Variants in LRRIQ3 observed in about 807,000 individuals in gnomAD.
The protein encoded by LRRIQ3 is leucine rich repeats and IQ motif containing 3.
In LRRIQ3, 75 loss-of-function variants were observed where a neutral mutation model predicts 59.3. The ratio of observed to expected loss-of-function variants is 1.26; its 90% CI spans 1.05 to 1.53. LRRIQ3 has a LOEUF of 1.53. Ranked by LOEUF, LRRIQ3 falls within the 40% of genes most tolerant of loss-of-function variation. The pLI is 0.00. For synonymous variants in LRRIQ3, 250 were observed against 231.3 expected (o/e 1.08, Z -0.73); for missense variants, 831 against 710.0 (o/e 1.17, Z -1.94).
In LRRIQ3 at chr1:74,182,787, C is replaced by T. The variant is rs141336710; in HGVS notation, c.324G>A (p.Gly108=). 34 of 1,609,534 alleles carry T rather than the reference C, an allele frequency of 2.1e-5. No homozygotes were observed. The Middle Eastern group carries it at 4.9e-4, about 23-fold the overall frequency. Residue 108 remains glycine (G), a synonymous_variant, in exon 3 of 8, where the codon GGG becomes GGA. Transcript: ENST00000354431. ...CACATATATTCTTTAACTTTGCAAACCCATTGTCATGAAGATAGAGTAGTT... is the reference window on the plus strand; with the variant it reads ...CACATATATTCTTTAACTTTGCAAATCCATTGTCATGAAGATAGAGTAGTT... ...NLKLLYLHDN[G]FAKLKNICVL...
At chr1:74,038,096 T>G (rs1030061662) in intron 7 of LRRIQ3, among the ~76,000 whole-genome samples, 1 of 152,186 alleles carries the variant, frequency 6.6e-6, no homozygotes, top group Admixed American at 6.5e-5. Context: ...GCCATCTCTA[T>G]AGCTCCAGGA....
At chr1:74,124,601 A>G (rs1260428029) in intron 4 of LRRIQ3, among the ~76,000 whole-genome samples, 1 of 151,944 alleles carries the variant, frequency 6.6e-6, no homozygotes, top group Non-Finnish European at 1.5e-5. Context: ...TCCCAACACC[A>G]CTTACTGAAG....
intron 4 of LRRIQ3, among the ~76,000 whole-genome samples, chr1:74,131,648 A>G (rs1244749718): frequency 6.6e-6 from 1 of 152,192 alleles, no homozygotes; most frequent in Non-Finnish European, 1.5e-5. Context: ...CAACAGATGC[A>G]GAAAAGGCCT....
At chr1:74,197,395 C>T (rs1442028440) in intron 1 of LRRIQ3, among the ~76,000 whole-genome samples, 2 of 151,304 alleles carry the variant, frequency 1.3e-5, no homozygotes, top group Non-Finnish European at 2.9e-5. Flanking sequence ...ACTCACTATT[C>T]TCTGATTCAG....
intron 4 of LRRIQ3, among the ~76,000 whole-genome samples, chr1:74,114,246 A>T (rs533324652): frequency 6.6e-6 from 1 of 152,152 alleles, no homozygotes; most frequent in South Asian, 2.1e-4. Flanking sequence ...TAGTTTCTTT[A>T]AAAAGCTTAC....
chr1:74,126,111 T>C (rs1363607579), intron 4 of LRRIQ3, among the ~76,000 whole-genome samples: 2 of 151,768 alleles, frequency 1.3e-5, no homozygotes, highest in African/African-American at 4.8e-5. Flanking sequence ...ATTTATTCAT[T>C]TTTTCTAGGT....
intron 4 of LRRIQ3, among the ~76,000 whole-genome samples, chr1:74,113,182 C>A (rs1646727167): frequency 6.6e-6 from 1 of 151,376 alleles, no homozygotes; most frequent in Admixed American, 6.6e-5. Flanking sequence ...CTGAGAAGTA[C>A]AATAACTGAA....
chr1:74,138,170 A>C (rs954393105), intron 4 of LRRIQ3, among the ~76,000 whole-genome samples: 5 of 151,936 alleles, frequency 3.3e-5, no homozygotes, highest in African/African-American at 7.2e-5. Flanking sequence ...AAACAAAAAA[A>C]AAAAACAAAA....
intron 6 of LRRIQ3, among the ~76,000 whole-genome samples, chr1:74,063,848 G>T (rs1310080882): frequency 2.0e-5 from 3 of 151,828 alleles, no homozygotes; most frequent in Non-Finnish European, 4.4e-5. Flanking sequence ...CTGGCAATCT[G>T]TCTTTTGATT....
Position 74,182,652 on chromosome 1 carries a change from C to A in LRRIQ3, c.459G>T (p.Ala153=), listed in dbSNP as rs779598250. The A allele has an allele frequency of 5.6e-6, 9 of 1,611,246 alleles. No homozygotes were observed. Among genetic ancestry groups the A allele is most frequent in the African/African-American group, 1.3e-5 (1 of 74,814 alleles). The change falls in exon 3 of 8, where the codon GCG becomes GCT. Residue 153 remains alanine (A), a synonymous_variant. Transcript: ENST00000354431. ...VLVNSIWPLK[A]LDHHVISDEE... is the part of the protein sequence containing the mutation. ...CATCAGAAATCACATGATGATCCAG[C>A]GCTTTGAGAGGCCATATACTGTTAA...
intron 5 of LRRIQ3, among the ~76,000 whole-genome samples, chr1:74,103,794 C>CG (rs1286231588): frequency 2.0e-5 from 3 of 150,978 alleles, no homozygotes; most frequent in South Asian, 4.2e-4. Flanking sequence ...CCTTCCCCCC[C>CG]CCGCCATATT....
intron 6 of LRRIQ3, among the ~76,000 whole-genome samples, chr1:74,074,452 T>C (rs1646178317): frequency 6.6e-6 from 1 of 152,172 alleles, no homozygotes; most frequent in Non-Finnish European, 1.5e-5. Flanking sequence ...ATTATCATTT[T>C]TTAGCTTTTT....
intron 1 of LRRIQ3, among the ~76,000 whole-genome samples, chr1:74,186,107 TC>T (rs1231750105): frequency 6.7e-6 from 1 of 149,950 alleles, no homozygotes; most frequent in African/African-American, 2.4e-5. Flanking sequence ...TATTTTTATT[TC>T]AAAGGATTTA....
chr1:74,077,654 A>G (rs896507865), intron 5 of LRRIQ3, among the ~76,000 whole-genome samples: 2 of 151,994 alleles, frequency 1.3e-5, no homozygotes, highest in Non-Finnish European at 2.9e-5. Flanking sequence ...TTTTATAAAA[A>G]TATTTCCTTC....
intron 3 of LRRIQ3, chr1:74,182,181 T>A (rs1352535274): frequency 1.3e-5 from 2 of 152,810 alleles, no homozygotes; most frequent in African/African-American, 4.8e-5. Context: ...AAATATTTTA[T>A]CTTCTAATAA....
Position 74,109,571 on chromosome 1 carries a change from G to C in LRRIQ3, c.708-18C>G, listed in dbSNP as rs1570129477. 6.6e-7 allele frequency: 1 copy of C among 1,525,006 alleles called. No homozygotes were observed. Among genetic ancestry groups the C allele is most frequent in the Non-Finnish European group, 8.7e-7 (1 of 1,146,190 alleles). 94.5% of individuals were successfully genotyped at this position (1,525,006 alleles called of 1,614,324 possible). A position where few individuals can be genotyped will look rare whatever the true frequency, so the allele number is the denominator to read the frequency against. ...ACACAGGGCTGAATATAAGGGGAGG[G>C]GAAAACTATTTGTTAGTTTTTTGCC... On this transcript the variant is annotated intron_variant, in intron 4 of 7. Coordinates refer to ENST00000354431, the MANE Select transcript of LRRIQ3 (RefSeq NM_001105659.2).
At chr1:74,123,312 C>A (rs1646888859) in intron 4 of LRRIQ3, among the ~76,000 whole-genome samples, 1 of 151,984 alleles carries the variant, frequency 6.6e-6, no homozygotes, top group African/African-American at 2.4e-5. Context: ...ACAATCCACA[C>A]ATATTCTTTC....
In LRRIQ3 at chr1:74,124,564, A is replaced by G. The variant is rs148033898; in HGVS notation, c.708-15011T>C. On this transcript the variant is annotated intron_variant, in intron 4 of 7. Coordinates refer to ENST00000354431, the MANE Select transcript of LRRIQ3 (RefSeq NM_001105659.2). The stretch of plus-strand genomic sequence containing the variant: ...TGGTCAGAGATGGTGGTCCAATATC[A>G]TTGCTCTGACTGCAGATACCCAATT... Among the ~76,000 whole-genome samples the G allele has an allele frequency of 5.9e-5, 9 of 152,096 alleles. No homozygotes were observed. In the East Asian group the frequency reaches 1.5e-3, roughly 26 times the overall value.
chr1:74,151,025 T>C (rs1647904002), intron 4 of LRRIQ3, among the ~76,000 whole-genome samples: 1 of 142,706 alleles, frequency 7.0e-6, no homozygotes. Context: ...TTTTTTTTTT[T>C]TTTTTTTTTT....
Sources: gnomAD v4.1 joint callset for allele counts (sites outside exome capture counted in the v4.1 genomes callset) on GRCh38, gnomAD v4.1.1 for gene constraint, MANE v1.5 for transcripts, NCBI Gene and HGNC (gene_info 2026-07-23, HGNC 2026-07-21) for gene names.